Variants in ADAMTS14 observed in about 807,000 individuals in gnomAD.
ADAMTS14 encodes A disintegrin and metalloproteinase with thrombospondin motifs 14.
Under a neutral mutation model 128.6 loss-of-function variants are expected in ADAMTS14, and 100 were observed. The ratio of observed to expected loss-of-function variants is 0.78; its 90% CI spans 0.66 to 0.92. ADAMTS14 has a LOEUF of 0.92. Among genes scored for constraint, ADAMTS14 ranks in the 40% least tolerant of loss-of-function variants. The pLI is 0.00. For synonymous variants in ADAMTS14, 665 were observed against 653.8 expected, an observed-to-expected ratio of 1.02 and a Z score of -0.26; for missense variants, 1,562 against 1,658.6, an observed-to-expected ratio of 0.94 and a Z score of 1.01.
chr10:70,748,416 G>A (rs1842248979), intron 15 of ADAMTS14, among the ~76,000 whole-genome samples: 1 of 152,248 alleles, frequency 6.6e-6, no homozygotes, highest in African/African-American at 2.4e-5. Flanking sequence ...GCTGGGGACT[G>A]AGAGCGATCA....
intron 2 of ADAMTS14, among the ~76,000 whole-genome samples, chr10:70,693,645 A>T (rs1840252004): frequency 6.6e-6 from 1 of 152,162 alleles, no homozygotes; most frequent in Non-Finnish European, 1.5e-5. Flanking sequence ...TGAACTCAGG[A>T]ACTCTCTGGC....
At chr10:70,725,669 T>C (rs1394068216) in intron 4 of ADAMTS14, among the ~76,000 whole-genome samples, 2 of 152,166 alleles carry the variant, frequency 1.3e-5, no homozygotes, top group Non-Finnish European at 2.9e-5. Context: ...TACCCCCTAA[T>C]GCCCTATCTC....
chr10:70,695,109 T>C (rs1371596452), intron 2 of ADAMTS14, among the ~76,000 whole-genome samples: 1 of 152,248 alleles, frequency 6.6e-6, no homozygotes, highest in African/African-American at 2.4e-5. Context: ...TGATGACTGA[T>C]GATATTGAAC....
rs563081174 is a variant in ADAMTS14 at position 70,705,646 on chromosome 10, T to C, written c.680-2942T>C. 4.6e-5 allele frequency among the ~76,000 whole-genome samples: 7 copies of C among 152,362 alleles called. No homozygotes were observed. The South Asian group carries it at 1.4e-3, about 32-fold the overall frequency. On this transcript the variant is annotated intron_variant, in intron 3 of 21. Coordinates refer to ENST00000373207, the MANE Select transcript of ADAMTS14 (RefSeq NM_080722.4). ...CAACCACTAATCTACTTTCTATCTT[T>C]CTAAATAGGATTTGCCTATTCAGAA...
At chr10:70,751,972 G>A in intron 17 of ADAMTS14, 123 bp from the exon 18 acceptor site, 3 of 1,399,414 alleles carry the variant, frequency 2.1e-6, no homozygotes, top group East Asian at 2.4e-5. Context: ...GGCAGGCGGG[G>A]GCATAGGCAG....
At chr10:70,746,373 C>T (rs1842177326) in intron 15 of ADAMTS14, among the ~76,000 whole-genome samples, 1 of 152,174 alleles carries the variant, frequency 6.6e-6, no homozygotes, top group Non-Finnish European at 1.5e-5. Flanking sequence ...TCCAGAGAGG[C>T]AAATCCACAG....
chr10:70,740,020 C>A (rs558760083), intron 11 of ADAMTS14, among the ~76,000 whole-genome samples: 3 of 152,340 alleles, frequency 2.0e-5, no homozygotes, highest in African/African-American at 7.2e-5. Context: ...GCATGACCGA[C>A]AATTATCCCT....
chr10:70,724,585 C>T (rs1416081299), intron 4 of ADAMTS14, among the ~76,000 whole-genome samples: 1 of 152,208 alleles, frequency 6.6e-6, no homozygotes, highest in African/African-American at 2.4e-5. Flanking sequence ...TGTCACACGG[C>T]CTCTGCAGTT....
At chr10:70,726,541 G>A (rs1841434006) in intron 4 of ADAMTS14, among the ~76,000 whole-genome samples, 1 of 152,226 alleles carries the variant, frequency 6.6e-6, no homozygotes, top group Admixed American at 6.5e-5. Context: ...GCTGTGCAGA[G>A]CGTGCATTGC....
At chr10:70,713,722 G>A (rs758673207) in intron 4 of ADAMTS14, among the ~76,000 whole-genome samples, 9 of 152,222 alleles carry the variant, frequency 5.9e-5, no homozygotes, top group Non-Finnish European at 1.2e-4. Context: ...GGTCTGCTGG[G>A]TCACAGCTTG....
chr10:70,698,699 C>T (rs919337994), intron 2 of ADAMTS14, among the ~76,000 whole-genome samples: 1 of 152,150 alleles, frequency 6.6e-6, no homozygotes, highest in African/African-American at 2.4e-5. Flanking sequence ...GATCCACAGT[C>T]GCATAGAAAT....
intron 4 of ADAMTS14, among the ~76,000 whole-genome samples, chr10:70,714,911 A>G (rs1379069895): frequency 7.0e-6 from 1 of 142,620 alleles, no homozygotes; most frequent in Non-Finnish European, 1.5e-5. Context: ...GGGCCATTGC[A>G]CTCCAGCCTG....
At chr10:70,693,133 T>G (rs528572841) in intron 2 of ADAMTS14, among the ~76,000 whole-genome samples, 82 of 152,248 alleles carry the variant, frequency 5.4e-4, no homozygotes, top group African/African-American at 1.9e-3. Flanking sequence ...CTAGATTTTG[T>G]GTGAACTGAG....
rs765801212 is a variant in ADAMTS14 at position 70,760,545 on chromosome 10, C to T, written c.3364C>T (p.Pro1122Ser). 1 of 1,612,182 alleles carries T rather than the reference C, an allele frequency of 6.2e-7. No homozygotes were observed. The highest frequency in any genetic ancestry group is 2.2e-5 in the East Asian group (1 of 44,836). ...PPFSTPGSPL[P>S]GPQDPADAAE... is the part of the protein sequence containing the mutation. ...CTTCTCCACTCCTGGAAGCCCCTTA[C>T]CAGGACCCCAGGACCCTGCAGATGC... Residue 1122 changes from proline (P) to serine (S), a missense_variant, in exon 22 of 22, where the codon CCA (proline) becomes TCA (serine). Coordinates refer to ENST00000373207, the MANE Select transcript of ADAMTS14 (RefSeq NM_080722.4).
intron 5 of ADAMTS14, 127 bp downstream of exon 5, chr10:70,729,504 G>A: frequency 1.2e-6 from 1 of 820,894 alleles, no homozygotes; most frequent in Non-Finnish European, 2.0e-6. Context: ...CAGAACTTGA[G>A]GCTATTAGAA....
intron 15 of ADAMTS14, 51 bp downstream of exon 15, chr10:70,745,357 C>T (rs1842145365): frequency 6.3e-7 from 1 of 1,596,036 alleles, no homozygotes; most frequent in East Asian, 2.2e-5. Flanking sequence ...GCCCTGCCCT[C>T]TGACTTGGGG....
At chr10:70,691,006 C>T (rs1840167760) in intron 2 of ADAMTS14, among the ~76,000 whole-genome samples, 1 of 144,788 alleles carries the variant, frequency 6.9e-6, no homozygotes, top group African/African-American at 2.4e-5. Context: ...GGCTCCTGGG[C>T]ACTCGGGAAT....
chr10:70,720,585 G>C (rs1841225617), intron 4 of ADAMTS14, among the ~76,000 whole-genome samples: 1 of 152,210 alleles, frequency 6.6e-6, no homozygotes, highest in East Asian at 1.9e-4. Flanking sequence ...GCTACTGCGA[G>C]GGTCAGCCCC....
chr10:70,759,208 C>T lies in ADAMTS14; in HGVS notation c.3178+923C>T, dbSNP rs142916313. 4.4e-5 allele frequency among the ~76,000 whole-genome samples: 6 copies of T among 136,342 alleles called. No homozygotes were observed. The East Asian group carries it at 1.3e-3, about 29-fold the overall frequency. The allele number at this position is 136,342 out of a possible 152,430, so 89.4% of individuals were successfully genotyped here. ...CCGTCTTCCTTCCCAAAGCAAAGGA[C>T]GATTCCGATTCTGGTTCCAGAAATC... On this transcript the variant is annotated intron_variant, in intron 21 of 21. Transcript: ENST00000373207.
Sources: allele counts gnomAD v4.1 joint callset (sites outside exome capture counted in the v4.1 genomes callset), GRCh38; gene constraint gnomAD v4.1.1; transcripts MANE v1.5; gene names NCBI Gene and HGNC (gene_info 2026-07-23, HGNC 2026-07-21).